MIS18BP1: variants seen among roughly 807,000 people sequenced by gnomAD.
The protein encoded by MIS18BP1 is mis18-binding protein 1.
In MIS18BP1, 72 loss-of-function variants were observed where a neutral mutation model predicts 116.1. The observed-to-expected ratio is 0.62, with a 90% CI of 0.51 to 0.75. The LOEUF (loss-of-function observed/expected upper bound fraction) is 0.75. Ranked by LOEUF, MIS18BP1 falls within the 30% of genes least tolerant of loss-of-function variation. The probability of loss-of-function intolerance (pLI) is 0.00; values close to 1 mark genes in which losing one functional copy is unlikely to be tolerated. For missense variants in MIS18BP1, 1,363 were observed against 1,303.2 expected (o/e 1.05, Z -0.71); for synonymous variants, 386 against 427.0 (o/e 0.90, Z 1.18).
At chr14:45,205,568 A>G (rs1890491896) in intron 15 of MIS18BP1, among the ~76,000 whole-genome samples, 1 of 152,166 alleles carries the variant, frequency 6.6e-6, no homozygotes, top group Non-Finnish European at 1.5e-5. Context: ...CTATTAAGGC[A>G]TCTTTCAGTT....
chr14:45,242,705 G>A, intron 3 of MIS18BP1, 56 bp downstream of exon 3: 1 of 1,505,654 alleles, frequency 6.6e-7, no homozygotes, highest in Non-Finnish European at 9.1e-7. Context: ...TAATTACCTA[G>A]AACATTTAAC....
chr14:45,243,109 A>T (rs1594526639), intron 2 of MIS18BP1, among the ~76,000 whole-genome samples: 2 of 152,110 alleles, frequency 1.3e-5, no homozygotes, highest in Non-Finnish European at 2.9e-5. Flanking sequence ...ATTTTTTAAA[A>T]CCTTCTCTGA....
intron 4 of MIS18BP1, among the ~76,000 whole-genome samples, chr14:45,240,830 A>T (rs1891556156): frequency 6.6e-6 from 1 of 152,140 alleles, no homozygotes; most frequent in Non-Finnish European, 1.5e-5. Flanking sequence ...TGAACCTGGA[A>T]GGCGGAGGTT....
chr14:45,223,825 A>C (rs1891041889), intron 11 of MIS18BP1, 93 bp downstream of exon 11: 1 of 887,284 alleles, frequency 1.1e-6, no homozygotes, highest in Non-Finnish European at 1.7e-6. Context: ...TTTTAATGAC[A>C]TCTTCCATGT....
intron 2 of MIS18BP1, among the ~76,000 whole-genome samples, chr14:45,243,854 A>AT (rs1270753408): frequency 6.6e-6 from 1 of 152,148 alleles, no homozygotes; most frequent in Admixed American, 6.5e-5. Flanking sequence ...TATATACAAA[A>AT]TTTGTGTTTC....
Position 45,219,424 on chromosome 14 carries a change from A to G in MIS18BP1, c.2670-970T>C, listed in dbSNP as rs1890912261. ...ACATGTCACTGACTGTGGAGTTGAT[A>G]AAACACGTGTGATAGCACACAATTA... On this transcript the variant is annotated intron_variant, in intron 11 of 16. Coordinates refer to ENST00000310806, the MANE Select transcript of MIS18BP1 (RefSeq NM_018353.5). Among the ~76,000 whole-genome samples the G allele has an allele frequency of 4.6e-5, 7 of 152,350 alleles. No individual in the cohort carries two copies. In the South Asian group the frequency reaches 1.4e-3, roughly 32 times the overall value.
chr14:45,217,319 T>C, intron 12 of MIS18BP1, 140 bp from the exon 13 acceptor site: 1 of 932,506 alleles, frequency 1.1e-6, no homozygotes, highest in South Asian at 1.7e-5. Flanking sequence ...CCAGGCTCAG[T>C]GGCTCATCCC....
At chr14:45,241,689 A>C (rs1891578479) in intron 4 of MIS18BP1, 1 of 170,378 alleles carries the variant, frequency 5.9e-6, no homozygotes, top group Non-Finnish European at 1.2e-5. Flanking sequence ...TAATTAATCT[A>C]ACTATTTTAA....
At chr14:45,250,462 G>A (rs546064453) in intron 1 of MIS18BP1, among the ~76,000 whole-genome samples, 1 of 152,344 alleles carries the variant, frequency 6.6e-6, no homozygotes, top group East Asian at 1.9e-4. Context: ...TGGAGATTTA[G>A]TAACTAGCAA....
chr14:45,240,721 T>A (rs907294772), intron 4 of MIS18BP1, among the ~76,000 whole-genome samples: 1 of 151,712 alleles, frequency 6.6e-6, no homozygotes, highest in South Asian at 2.1e-4. Flanking sequence ...CATGTTTATA[T>A]GTTAATGAGA....
At chr14:45,222,650 T>C (rs1391788800) in intron 11 of MIS18BP1, among the ~76,000 whole-genome samples, 1 of 152,232 alleles carries the variant, frequency 6.6e-6, no homozygotes, top group Non-Finnish European at 1.5e-5. Context: ...GTCTACTGTT[T>C]AGTTCAGTTC....
At chr14:45,211,224 G>A (rs1890665232) in intron 13 of MIS18BP1, among the ~76,000 whole-genome samples, 1 of 152,020 alleles carries the variant, frequency 6.6e-6, no homozygotes. Flanking sequence ...TCATTTATCT[G>A]GTCATGTATT....
chr14:45,223,430 A>G (rs1186028003), intron 11 of MIS18BP1, among the ~76,000 whole-genome samples: 1 of 152,154 alleles, frequency 6.6e-6, no homozygotes, highest in African/African-American at 2.4e-5. Flanking sequence ...TATAAAAATT[A>G]GCCAGGCGTG....
chr14:45,251,950 A>C (rs984342439), intron 1 of MIS18BP1, among the ~76,000 whole-genome samples: 2 of 152,236 alleles, frequency 1.3e-5, no homozygotes, highest in Non-Finnish European at 2.9e-5. Context: ...TAAGAATGCA[A>C]ATATATATGT....
chr14:45,236,624 A>G (rs1390993617), intron 5 of MIS18BP1, among the ~76,000 whole-genome samples: 1 of 152,230 alleles, frequency 6.6e-6, no homozygotes, highest in Admixed American at 6.5e-5. Context: ...TCTTTGGTCA[A>G]CTGGGATTAA....
chr14:45,223,618 T>TA (rs1348581262), intron 11 of MIS18BP1, among the ~76,000 whole-genome samples: 1 of 152,102 alleles, frequency 6.6e-6, no homozygotes, highest in Non-Finnish European at 1.5e-5. Flanking sequence ...ATGCATTTCT[T>TA]AAAATATGAA....
intron 14 of MIS18BP1, 91 bp downstream of exon 14, chr14:45,210,289 A>G (rs2139145904): frequency 3.8e-6 from 5 of 1,301,848 alleles, no homozygotes; most frequent in East Asian, 2.4e-5. Flanking sequence ...GCCTCTTCCC[A>G]TTACTGGCAT....
chr14:45,226,960 T>A (rs763063454), intron 9 of MIS18BP1, 124 bp from the exon 10 acceptor site: 1 of 758,364 alleles, frequency 1.3e-6, no homozygotes, highest in Non-Finnish European at 1.8e-6. Flanking sequence ...CAAATTTCAT[T>A]AGTGGACACA....
At position 45,246,903 on chromosome 14, in the gene MIS18BP1, T is replaced by G; in HGVS notation, c.384A>C (p.Glu128Asp). 6.2e-7 allele frequency: 1 copy of G among 1,610,646 alleles called. No homozygotes were observed. The part of the protein sequence containing the change: ...MKEKVLRDKQ[E>D]QPSRNSSLLE... ...ACAAACTACTGTTTCTTGATGGCTG[T>G]TCTTGCTTGTCACGCAGTACTTTTT... The change falls in exon 2 of 17, where the codon GAA becomes GAC. Residue 128 changes from glutamate to aspartate, a missense_variant. Physicochemically the swap from Glu to Asp is conservative, Grantham distance 45. Coordinates refer to ENST00000310806, the MANE Select transcript of MIS18BP1 (RefSeq NM_018353.5).
Sources: allele counts gnomAD v4.1 joint callset (sites outside exome capture counted in the v4.1 genomes callset), GRCh38; gene constraint gnomAD v4.1.1; transcripts MANE v1.5; gene names NCBI Gene and HGNC (gene_info 2026-07-23, HGNC 2026-07-21).